The following SDCCAG8 variants were observed in gnomAD, a reference collection of about 807,000 sequenced individuals.
SDCCAG8 encodes the protein SHH signaling and ciliogenesis regulator SDCCAG8.
A neutral mutation model predicts 101.8 loss-of-function variants in SDCCAG8; 74 were observed. The observed-to-expected ratio is 0.73, with a 90% CI of 0.60 to 0.88. The LOEUF is 0.88. Among genes scored for constraint, SDCCAG8 ranks in the 40% least tolerant of loss-of-function variants. The pLI is 0.00. For synonymous variants in SDCCAG8, 281 were observed against 292.9 expected (o/e 0.96, Z 0.41); for missense variants, 787 against 822.6 (o/e 0.96, Z 0.53).
intron 1 of SDCCAG8, among the ~76,000 whole-genome samples, chr1:243,259,363 C>A (rs1347500743): frequency 2.0e-5 from 3 of 151,786 alleles, no homozygotes; most frequent in African/African-American, 7.3e-5. Context: ...GCCGAGATCG[C>A]GCCACTGCAC....
chr1:243,350,571 A>G (rs1331723006), intron 12 of SDCCAG8, among the ~76,000 whole-genome samples: 1 of 152,184 alleles, frequency 6.6e-6, no homozygotes, highest in Non-Finnish European at 1.5e-5. Flanking sequence ...AGAAAAGTTG[A>G]AGAATTGTAC....
intron 6 of SDCCAG8, among the ~76,000 whole-genome samples, chr1:243,301,225 C>T (rs2071473396): frequency 6.6e-6 from 1 of 152,164 alleles, no homozygotes; most frequent in Admixed American, 6.5e-5. Context: ...ATAACCACCT[C>T]CTATTGCTAT....
At chr1:243,294,696 T>TCC (rs576179320) in intron 6 of SDCCAG8, among the ~76,000 whole-genome samples, 1,187 of 61,844 alleles carry the variant, frequency 0.019, 25 homozygotes, top group African/African-American at 0.039. Context: ...CTTTCTAAAT[T>TCC]CCCCCCCCCC....
At chr1:243,460,017 A>G (rs963572728) in intron 16 of SDCCAG8, among the ~76,000 whole-genome samples, 2 of 152,112 alleles carry the variant, frequency 1.3e-5, no homozygotes, top group Non-Finnish European at 2.9e-5. Flanking sequence ...TCAAGGGATT[A>G]TTGCATATAG....
At chr1:243,319,429 A>G (rs1227389593) in intron 9 of SDCCAG8, among the ~76,000 whole-genome samples, 1 of 152,052 alleles carries the variant, frequency 6.6e-6, no homozygotes, top group African/African-American at 2.4e-5. Flanking sequence ...GCTGGAGTGC[A>G]ATGGCGCAAT....
intron 16 of SDCCAG8, among the ~76,000 whole-genome samples, chr1:243,427,988 C>A (rs2081455798): frequency 6.6e-6 from 1 of 152,184 alleles, no homozygotes; most frequent in African/African-American, 2.4e-5. Flanking sequence ...AAAGTAAAGA[C>A]CATTCTTAGC....
chr1:243,473,897 T>C (rs1169544461), intron 16 of SDCCAG8, among the ~76,000 whole-genome samples: 1 of 95,866 alleles, frequency 1.0e-5, no homozygotes, highest in Non-Finnish European at 2.1e-5. Context: ...ACAAATGAGT[T>C]TGGTTATTGG....
At position 243,414,492 on chromosome 1, in the gene SDCCAG8, G is replaced by T. The variant is rs1034831389; in HGVS notation, c.1617-1210G>T. Among the ~76,000 whole-genome samples, 3 of 152,120 alleles carry T rather than the reference G, an allele frequency of 2.0e-5. No homozygotes were observed. The South Asian group carries it at 6.2e-4, about 32-fold the overall frequency. ...TATTTCACATTTAGCATGGACCCCC[G>T]ATGATTCCATTTGAGTGAGGTGTGG... is the stretch of plus-strand genomic sequence containing the variant. On this transcript the variant is annotated intron_variant, in intron 13 of 17. Transcript: ENST00000366541.
intron 16 of SDCCAG8, among the ~76,000 whole-genome samples, chr1:243,478,664 G>A (rs1405387347): frequency 6.6e-6 from 1 of 152,030 alleles, no homozygotes; most frequent in Non-Finnish European, 1.5e-5. Context: ...AATGTAAACA[G>A]CAAACCAGCC....
intron 1 of SDCCAG8, among the ~76,000 whole-genome samples, chr1:243,266,943 CAAA>C (rs376247572): frequency 6.4e-4 from 64 of 100,588 alleles, no homozygotes; most frequent in African/African-American, 2.5e-3. Flanking sequence ...AACTTCGTCT[CAAA>C]AAAAAAAAAA....
chr1:243,493,328 TG>T (rs1000025845), intron 17 of SDCCAG8, among the ~76,000 whole-genome samples: 1 of 152,002 alleles, frequency 6.6e-6, no homozygotes, highest in Non-Finnish European at 1.5e-5. Flanking sequence ...GCCCAGAGCC[TG>T]GGGGCTCTAA....
At chr1:243,335,843 G>A (rs755013060) in intron 10 of SDCCAG8, among the ~76,000 whole-genome samples, 5 of 151,820 alleles carry the variant, frequency 3.3e-5, no homozygotes, top group Non-Finnish European at 5.9e-5. Flanking sequence ...CTTTATATCC[G>A]TGAGTACCTA....
chr1:243,471,429 G>A (rs939375245), intron 16 of SDCCAG8, among the ~76,000 whole-genome samples: 1 of 152,064 alleles, frequency 6.6e-6, no homozygotes, highest in African/African-American at 2.4e-5. Context: ...TACGCTCGTG[G>A]GTTCTGTCTG....
chr1:243,473,944 G>GGGGGGT, intron 16 of SDCCAG8, among the ~76,000 whole-genome samples: 1 of 134,356 alleles, frequency 7.4e-6, no homozygotes, highest in Non-Finnish European at 1.6e-5. Flanking sequence ...GGGGGGCCGG[G>GGGGGGT]GGAGTACTTC....
chr1:243,436,501 C>T (rs2082144292), intron 16 of SDCCAG8, among the ~76,000 whole-genome samples: 1 of 152,030 alleles, frequency 6.6e-6, no homozygotes. Context: ...TCTATTTTTG[C>T]TCTATTCTAC....
chr1:243,263,032 G>A (rs78381025), intron 1 of SDCCAG8, among the ~76,000 whole-genome samples: 3,587 of 152,184 alleles, frequency 0.024, 139 homozygotes, highest in African/African-American at 0.08. Context: ...TGGCACTGTC[G>A]GTCTCAGGCT....
intron 16 of SDCCAG8, among the ~76,000 whole-genome samples, chr1:243,440,841 A>G (rs1369448830): frequency 1.3e-5 from 2 of 152,120 alleles, no homozygotes; most frequent in Admixed American, 6.5e-5. Flanking sequence ...AGTTTCGTGC[A>G]TTGTTTTGGC....
intron 12 of SDCCAG8, among the ~76,000 whole-genome samples, chr1:243,374,953 AAAAC>A (rs746218858): frequency 2.6e-5 from 4 of 152,276 alleles, no homozygotes; most frequent in African/African-American, 9.6e-5. Flanking sequence ...GTTATCTAGA[AAAAC>A]AAACTATTAA....
chr1:243,364,470 C>T (rs949173180), intron 12 of SDCCAG8, among the ~76,000 whole-genome samples: 14 of 152,102 alleles, frequency 9.2e-5, no homozygotes, highest in Admixed American at 6.6e-5. Flanking sequence ...CTGATGTTCT[C>T]TGTAATTAGG....
Sources: allele counts gnomAD v4.1 joint callset (sites outside exome capture counted in the v4.1 genomes callset), GRCh38; gene constraint gnomAD v4.1.1; transcripts MANE v1.5; gene names NCBI Gene and HGNC (gene_info 2026-07-23, HGNC 2026-07-21).